CDH15: variants seen among roughly 807,000 people sequenced by gnomAD.
CDH15 encodes cadherin 15.
In CDH15, 73 loss-of-function variants were observed where a neutral mutation model predicts 69.4. The ratio of observed to expected loss-of-function variants is 1.05; its 90% confidence interval spans 0.87 to 1.28. The LOEUF is 1.28. Among genes scored for constraint, CDH15 ranks in the 50% most tolerant of loss-of-function variants. CDH15 has a pLI of 0.00. For missense variants in CDH15, 1,343 were observed against 1,133.6 expected (o/e 1.18, Z -2.65); for synonymous variants, 624 against 507.7 (o/e 1.23, Z -3.08).
chr16:89,183,423 C>T, intron 3 of CDH15, 125 bp from the exon 4 acceptor site: 1 of 1,112,560 alleles, frequency 9.0e-7, no homozygotes, highest in Non-Finnish European at 1.3e-6. Context: ...CTGTTTCTCG[C>T]CTGTTTAAGC....
At chr16:89,187,365 CT>C in intron 5 of CDH15, 63 bp from the exon 6 acceptor site, 1 of 1,602,042 alleles carries the variant, frequency 6.2e-7, no homozygotes, top group Non-Finnish European at 8.5e-7. Context: ...GCTCCCACCC[CT>C]GACCAGTCCC....
rs1426322174 is a variant in CDH15, at chr16:89,192,302, C to G, written c.1713C>G (p.Arg571=). ...LRDSGQPPQQ[R]EQPLNVTVCR... is the part of the protein sequence containing the mutation. The stretch of plus-strand genomic sequence containing the variant: ...ACTCGGGGCAGCCGCCCCAGCAGCG[C>G]GAGCAGCCTCTGAACGTGACCGTGT... Residue 571 remains arginine (R), a synonymous_variant, in exon 11 of 14, where the codon CGC becomes CGG. Transcript: ENST00000289746. The G allele has an allele frequency of 6.5e-7, 1 of 1,533,238 alleles. No homozygotes were observed. The highest frequency in any genetic ancestry group is 8.7e-7 in the Non-Finnish European group (1 of 1,146,336). 95.0% of individuals were successfully genotyped at this position (1,533,238 alleles called of 1,614,324 possible).
At chr16:89,179,664 G>T in intron 2 of CDH15, 90 bp downstream of exon 2, 1 of 1,373,290 alleles carries the variant, frequency 7.3e-7, no homozygotes, top group Non-Finnish European at 9.9e-7. Context: ...CTGGGAGCCA[G>T]CGGGGCCCCA....
rs1013223695 is a variant in CDH15, at chr16:89,185,155, C to G, written c.503-18C>G. 1.3e-6 allele frequency: 2 copies of G among 1,581,868 alleles called. No individual in the cohort carries two copies. The highest frequency in any genetic ancestry group is 3.5e-5 in the Admixed American group (2 of 56,808). ...GGCCCTGTGGACGTTGGCCCTCACG[C>G]CTCCCTGTGCTTCCCAGGCACCTAT... On this transcript the variant is annotated intron_variant, in intron 4 of 13. Transcript: ENST00000289746.
chr16:89,185,457 A>T, intron 5 of CDH15, 124 bp downstream of exon 5: 1 of 1,121,156 alleles, frequency 8.9e-7, no homozygotes, highest in Non-Finnish European at 1.3e-6. Context: ...CAGAGCTTGC[A>T]GTGGCCCTGG....
intron 1 of CDH15, among the ~76,000 whole-genome samples, chr16:89,176,053 C>T (rs1289335118): frequency 1.3e-5 from 2 of 152,228 alleles, no homozygotes; most frequent in African/African-American, 4.8e-5. Context: ...GCAGCCTGGG[C>T]CTTGCTCGTC....
At position 89,192,234 on chromosome 16, in the gene CDH15, C is replaced by G; in HGVS notation, c.1645C>G (p.Gln549Glu). ...CCACGCGCGCCTGCGGCCGCGACACCAGGTCCCCGAAGGCCTGCACCGCCT... is the reference window on the plus strand; with the variant it reads ...CCACGCGCGCCTGCGGCCGCGACACGAGGTCCCCGAAGGCCTGCACCGCCT... ...VSHARLRPRH[Q>E]VPEGLHRLSL... Residue 549 changes from glutamine to glutamate, a missense_variant, in exon 11 of 14, where the codon CAG (glutamine) becomes GAG (glutamate). Coordinates refer to ENST00000289746, the MANE Select transcript of CDH15 (RefSeq NM_004933.3). The G allele has an allele frequency of 6.5e-7, 1 of 1,529,660 alleles. No individual in the cohort carries two copies. Among genetic ancestry groups the G allele is most frequent in the Non-Finnish European group, 8.7e-7 (1 of 1,144,768 alleles). The allele number at this position is 1,529,660 out of a possible 1,614,324, so 94.8% of individuals were successfully genotyped here.
At position 89,194,043 on chromosome 16, in the gene CDH15, C is replaced by T. The variant is rs888160721; in HGVS notation, c.2151+130C>T. ...GCACTTATGGGCCGTCCCAGAGCAC[C>T]GCAGAGGAAGATGGTGTGCGGGCGG... On this transcript the variant is annotated intron_variant, in intron 13 of 13. Transcript: ENST00000289746. 6 of 1,080,080 alleles carry T rather than the reference C, an allele frequency of 5.6e-6. No homozygotes were observed. The South Asian group carries it at 7.2e-5, about 13-fold the overall frequency. The allele number at this position is 1,080,080 out of a possible 1,614,324, so 66.9% of individuals were successfully genotyped here.
rs1027161725 is a variant in CDH15 at position 89,195,385 on chromosome 16, C to T, written c.*230C>T. ...CTCTCCATCGGCCCCATGCGGGTCA[C>T]CTCCCTAGTCCCACCTTTGCCTCCT... On this transcript the variant is annotated 3_prime_UTR_variant, in exon 14 of 14. Coordinates refer to ENST00000289746, the MANE Select transcript of CDH15 (RefSeq NM_004933.3). 7 of 560,586 alleles carry T rather than the reference C, an allele frequency of 1.2e-5. No individual in the cohort carries two copies. The highest frequency in any genetic ancestry group is 1.6e-5 in the Non-Finnish European group (5 of 316,544). The allele number at this position is 560,586 out of a possible 1,614,324, so 34.7% of individuals were successfully genotyped here.
At chr16:89,180,987 T>TTTTTTTTTA (rs1567771866) in intron 3 of CDH15, among the ~76,000 whole-genome samples, 2 of 149,784 alleles carry the variant, frequency 1.3e-5, no homozygotes, top group South Asian at 2.2e-4. Flanking sequence ...TTTTTTTTTT[T>TTTTTTTTTA]GAGATGGAGC....
rs1036655672 is a variant in CDH15, at chr16:89,188,303, G to A, written c.978+18G>A. The A allele has an allele frequency of 6.2e-7, 1 of 1,610,312 alleles. No individual in the cohort carries two copies. The highest frequency in any genetic ancestry group is 8.5e-7 in the Non-Finnish European group (1 of 1,178,494). On this transcript the variant is annotated intron_variant, in intron 7 of 13. Transcript: ENST00000289746. Reference sequence around the variant, plus strand: ...TTGTGAAGGTGAGCGGCCCCCGGCTGGCACACAGATGCCGGCAGACGCAGA... The same window carrying A: ...TTGTGAAGGTGAGCGGCCCCCGGCTAGCACACAGATGCCGGCAGACGCAGA...
At chr16:89,191,560 C>A in intron 9 of CDH15, 88 bp downstream of exon 9, 1 of 1,584,618 alleles carries the variant, frequency 6.3e-7, no homozygotes, top group Non-Finnish European at 8.6e-7. Context: ...CTGCCCATGT[C>A]GCCCGGGGGC....
Position 89,180,159 on chromosome 16 carries a change from GC to G in CDH15, c.202-38del, listed in dbSNP as rs771121718. 1.9e-6 allele frequency: 3 copies of G among 1,605,822 alleles called. No homozygotes were observed. The East Asian group carries it at 6.7e-5, about 36-fold the overall frequency. Reference sequence around the variant, plus strand: ...GGCTGCAGAGAGGGCAGAGGCCCCCGCCCGGAGCAGCTCTCCCCAAACCCAT... The same window carrying G: ...GGCTGCAGAGAGGGCAGAGGCCCCCGCCGGAGCAGCTCTCCCCAAACCCAT... On this transcript the variant is annotated intron_variant, in intron 2 of 13. Coordinates refer to ENST00000289746, the MANE Select transcript of CDH15 (RefSeq NM_004933.3).
In CDH15 at chr16:89,191,653, A is replaced by G; in HGVS notation, c.1376-2A>G. 6.3e-7 allele frequency: 1 copy of G among 1,583,698 alleles called. No homozygotes were observed. The highest frequency in any genetic ancestry group is 8.5e-7 in the Non-Finnish European group (1 of 1,170,210). ...ACTAAGCCGCGGCCTCCTCGCCTGCAGCCTCCCAGCCCCGCACCGCCACCG... is the reference window on the plus strand; with the variant it reads ...ACTAAGCCGCGGCCTCCTCGCCTGCGGCCTCCCAGCCCCGCACCGCCACCG... On this transcript the variant is annotated splice_acceptor_variant, in intron 9 of 13. Transcript: ENST00000289746. LOFTEE classifies it high-confidence loss of function.
intron 11 of CDH15, 76 bp from the exon 12 acceptor site, chr16:89,193,394 C>A: frequency 1.7e-5 from 19 of 1,090,330 alleles, no homozygotes; most frequent in Non-Finnish European, 2.4e-5. Flanking sequence ...GCCCCCTCCT[C>A]CCACCTCCTT....
At chr16:89,188,610 GCACAGATGCCGGCACA>G (rs1301520291) in intron 7 of CDH15, among the ~76,000 whole-genome samples, 13 of 69,308 alleles carry the variant, frequency 1.9e-4, no homozygotes, top group South Asian at 5.1e-4. Context: ...AGATGCCCAC[GCACAGATGCCGGCACA>G]CACAGATGCC....
chr16:89,177,907 A>G (rs1242000257), intron 1 of CDH15, among the ~76,000 whole-genome samples: 2 of 151,896 alleles, frequency 1.3e-5, no homozygotes, highest in Admixed American at 1.3e-4. Flanking sequence ...GGTCCCAAGC[A>G]CAGGTGTCCT....
chr16:89,185,063 G>A lies in CDH15; in HGVS notation c.503-110G>A, dbSNP rs1053340144. 1.1e-4 allele frequency: 116 copies of A among 1,078,212 alleles called. 1 individual carries two copies. The highest frequency in any genetic ancestry group is 5.4e-4 in the Middle Eastern group (2 of 3,682). 66.8% of individuals were successfully genotyped at this position (1,078,212 alleles called of 1,614,324 possible). A position where few individuals can be genotyped will look rare whatever the true frequency, so the allele number is the denominator to read the frequency against. ...CTGACTGCCCCATCTGGGGTCAGCC[G>A]TGCTGGAACCGGGGAGCCTGTGCAC... On this transcript the variant is annotated intron_variant, in intron 4 of 13. Coordinates refer to ENST00000289746, the MANE Select transcript of CDH15 (RefSeq NM_004933.3).
intron 5 of CDH15, 47 bp from the exon 6 acceptor site, chr16:89,187,382 G>A (rs1211295868): frequency 6.2e-7 from 1 of 1,608,320 alleles, no homozygotes; most frequent in African/African-American, 1.3e-5. Context: ...GTCCCCATGT[G>A]CCCCACCTGG....
Sources: gnomAD v4.1 joint callset for allele counts (sites outside exome capture counted in the v4.1 genomes callset) on GRCh38, gnomAD v4.1.1 for gene constraint, MANE v1.5 for transcripts, NCBI Gene and HGNC (gene_info 2026-07-23, HGNC 2026-07-21) for gene names.